Variants in NTRK2 observed in about 807,000 individuals in gnomAD.
NTRK2 encodes BDNF/NT-3 growth factors receptor.
Under a neutral mutation model 94.5 loss-of-function variants are expected in NTRK2, and 13 were observed. The ratio of observed to expected loss-of-function variants is 0.14; its 90% CI spans 0.09 to 0.22. The LOEUF (loss-of-function observed/expected upper bound fraction) is 0.22, where lower values mean the gene tolerates loss of function less well. Among genes scored for constraint, NTRK2 ranks in the 10% least tolerant of loss-of-function variants. NTRK2 has a pLI of 1.00. For missense variants in NTRK2, 639 were observed against 1,071.2 expected (o/e 0.60, Z 5.63); for synonymous variants, 372 against 407.4 (o/e 0.91, Z 1.05).
At chr9:84,805,229 A>T (rs73474424) in intron 12 of NTRK2, among the ~76,000 whole-genome samples, 1 of 152,214 alleles carries the variant, frequency 6.6e-6, no homozygotes, top group African/African-American at 2.4e-5. Context: ...TCAGCTCATA[A>T]TGAAACTTCA....
At chr9:84,809,896 AAAAAAAG>A (rs2071570971) in intron 12 of NTRK2, among the ~76,000 whole-genome samples, 2 of 150,718 alleles carry the variant, frequency 1.3e-5, no homozygotes, top group Non-Finnish European at 1.5e-5. Context: ...AAAAAAAAAA[AAAAAAAG>A]AAAGAAGAGA....
At chr9:84,740,592 G>A (rs1395511922) in intron 9 of NTRK2, among the ~76,000 whole-genome samples, 1 of 152,200 alleles carries the variant, frequency 6.6e-6, no homozygotes, top group Non-Finnish European at 1.5e-5. Context: ...GGTGCGCAGG[G>A]TGTTCATGGC....
intron 12 of NTRK2, chr9:84,814,607 A>G (rs1461768246): frequency 1.9e-6 from 2 of 1,065,828 alleles, no homozygotes; most frequent in East Asian, 5.0e-5. Context: ...CTTCCTTTGC[A>G]TGATTTACAC....
At chr9:84,817,614 T>C (rs1375770135) in intron 12 of NTRK2, among the ~76,000 whole-genome samples, 1 of 152,230 alleles carries the variant, frequency 6.6e-6, no homozygotes, top group Non-Finnish European at 1.5e-5. Flanking sequence ...CTTTTTATCA[T>C]TTCAACAGGG....
At chr9:84,751,293 T>C (rs1366172993) in intron 11 of NTRK2, among the ~76,000 whole-genome samples, 1 of 152,178 alleles carries the variant, frequency 6.6e-6, no homozygotes, top group Non-Finnish European at 1.5e-5. Flanking sequence ...CTTCAAGAAT[T>C]ATCGGGCTGG....
At chr9:84,752,909 G>T (rs2064767421) in intron 12 of NTRK2, among the ~76,000 whole-genome samples, 1 of 152,104 alleles carries the variant, frequency 6.6e-6, no homozygotes, top group South Asian at 2.1e-4. Flanking sequence ...AAGGTTTAGT[G>T]GTGTCTTAGT....
At chr9:84,876,692 T>C (rs1236123988) in intron 14 of NTRK2, 1 of 1,060,540 alleles carries the variant, frequency 9.4e-7, no homozygotes, top group African/African-American at 1.6e-5. Flanking sequence ...GGAACTATGA[T>C]GCTAATGATC....
At chr9:84,770,153 A>AACACACACACACACACACACAC (rs35363257) in intron 12 of NTRK2, among the ~76,000 whole-genome samples, 33 of 137,042 alleles carry the variant, frequency 2.4e-4, no homozygotes, top group African/African-American at 7.8e-4. Flanking sequence ...TGTGCATGAG[A>AACACACACACACACACACACAC]ACACACACAC....
chr9:84,945,418 G>T (rs1193574906), intron 15 of NTRK2, among the ~76,000 whole-genome samples: 1 of 152,210 alleles, frequency 6.6e-6, no homozygotes, highest in Non-Finnish European at 1.5e-5. Context: ...GTGCAAGTGT[G>T]AGAAAGGCAC....
chr9:84,714,640 T>A (rs1394414271), intron 6 of NTRK2, among the ~76,000 whole-genome samples: 3 of 152,214 alleles, frequency 2.0e-5, no homozygotes, highest in African/African-American at 4.8e-5. Flanking sequence ...TTAAATTCTC[T>A]GGAATTCTGT....
intron 12 of NTRK2, among the ~76,000 whole-genome samples, chr9:84,760,737 A>G (rs549528241): frequency 1.3e-3 from 202 of 152,328 alleles, no homozygotes; most frequent in African/African-American, 4.7e-3. Flanking sequence ...ATATTTTCCA[A>G]AGTAAAGAGG....
At chr9:84,719,419 C>T (rs767372491) in intron 6 of NTRK2, among the ~76,000 whole-genome samples, 32 of 151,980 alleles carry the variant, frequency 2.1e-4, no homozygotes, top group Non-Finnish European at 3.7e-4. Flanking sequence ...ATTATGTAAG[C>T]TTGAGTTTGA....
chr9:84,752,488 T>G (rs1190001491), intron 12 of NTRK2, among the ~76,000 whole-genome samples: 1 of 152,252 alleles, frequency 6.6e-6, no homozygotes, highest in Non-Finnish European at 1.5e-5. Context: ...TTCAGTGGTA[T>G]GCTTTTGGTG....
chr9:84,739,833 C>A (rs950466521), intron 9 of NTRK2, among the ~76,000 whole-genome samples: 5 of 152,186 alleles, frequency 3.3e-5, no homozygotes, highest in East Asian at 1.9e-4. Context: ...TAGTTCCTGG[C>A]AGTCTGGGAT....
At chr9:84,923,905 A>C in intron 14 of NTRK2, among the ~76,000 whole-genome samples, 1 of 135,036 alleles carries the variant, frequency 7.4e-6, no homozygotes, top group East Asian at 2.4e-4. Context: ...CTCCATCTCA[A>C]AAAAAAAAAC....
At chr9:84,938,037 C>A (rs1390886683) in intron 15 of NTRK2, among the ~76,000 whole-genome samples, 2 of 152,100 alleles carry the variant, frequency 1.3e-5, no homozygotes, top group African/African-American at 4.8e-5. Context: ...ATAACCCAAG[C>A]CTCATGTTTT....
At chr9:84,912,649 C>T (rs182790860) in intron 14 of NTRK2, among the ~76,000 whole-genome samples, 1,582 of 127,082 alleles carry the variant, frequency 0.012, 40 homozygotes, top group African/African-American at 0.044. Flanking sequence ...GATGGAGTCT[C>T]ACTCTGTCAC....
Position 84,693,867 on chromosome 9 carries a change from C to T in NTRK2, c.213-8292C>T, listed in dbSNP as rs540054671. 5.9e-5 allele frequency among the ~76,000 whole-genome samples: 9 copies of T among 152,246 alleles called. No individual in the cohort carries two copies. In the East Asian group the frequency reaches 1.7e-3, roughly 29 times the overall value. ...CCAGGCACTCAAATTTGTAAATGCC[C>T]GGAGTATTTGGGCTGTTCTAATAAG... On this transcript the variant is annotated intron_variant, in intron 2 of 18. Coordinates refer to ENST00000277120, the MANE Select transcript of NTRK2 (RefSeq NM_006180.6).
At chr9:84,786,153 A>G (rs1363346422) in intron 12 of NTRK2, among the ~76,000 whole-genome samples, 1 of 152,190 alleles carries the variant, frequency 6.6e-6, no homozygotes, top group East Asian at 1.9e-4. Flanking sequence ...TGAGCCTCAC[A>G]TTCCCACAGT....
Sources: gnomAD v4.1 joint callset for allele counts (sites outside exome capture counted in the v4.1 genomes callset) on GRCh38, gnomAD v4.1.1 for gene constraint, MANE v1.5 for transcripts, NCBI Gene and HGNC (gene_info 2026-07-23, HGNC 2026-07-21) for gene names.